The following SNX13 variants were observed in gnomAD, a reference collection of about 807,000 sequenced individuals.
The protein encoded by SNX13 is sorting nexin 13, also known as sorting nexin-13.
Under a neutral mutation model 133.6 loss-of-function variants are expected in SNX13, and 45 were observed. The ratio of observed to expected loss-of-function variants is 0.34; its 90% CI spans 0.27 to 0.43. The LOEUF is 0.43. Ranked by LOEUF, SNX13 falls within the 20% of genes least tolerant of loss-of-function variation. The probability of loss-of-function intolerance (pLI) is 1.00; values close to 1 mark genes in which losing one functional copy is unlikely to be tolerated. For synonymous variants in SNX13, 414 were observed against 373.9 expected, an observed-to-expected ratio of 1.11 and a Z score of -1.24; for missense variants, 1,032 against 1,145.1, an observed-to-expected ratio of 0.90 and a Z score of 1.43.
chr7:17,817,754 T>A (rs1255474586), intron 18 of SNX13, among the ~76,000 whole-genome samples: 5 of 151,848 alleles, frequency 3.3e-5, no homozygotes, highest in Admixed American at 1.3e-4. Flanking sequence ...AAAAAAAAAA[T>A]TTTCGAAGTA....
chr7:17,851,721 G>C (rs971324237), intron 9 of SNX13, among the ~76,000 whole-genome samples: 2 of 151,826 alleles, frequency 1.3e-5, no homozygotes, highest in African/African-American at 2.4e-5. Context: ...TTGCCGGGCG[G>C]GGGGGGCGGG....
intron 21 of SNX13, among the ~76,000 whole-genome samples, chr7:17,803,162 T>C (rs1784822719): frequency 6.6e-6 from 1 of 152,196 alleles, no homozygotes; most frequent in Non-Finnish European, 1.5e-5. Flanking sequence ...ATGTTAACTT[T>C]ACTAATTTTC....
intron 15 of SNX13, chr7:17,832,614 CA>C: frequency 2.7e-6 from 1 of 367,472 alleles, no homozygotes; most frequent in South Asian, 1.1e-4. Context: ...TATAAAAGAA[CA>C]TTTTTCAATA....
chr7:17,857,164 A>T (rs563416497), intron 9 of SNX13, among the ~76,000 whole-genome samples: 84 of 152,272 alleles, frequency 5.5e-4, no homozygotes, highest in African/African-American at 1.7e-3. Context: ...CCTCACACAT[A>T]AAATTACCAG....
At chr7:17,891,728 C>A in intron 3 of SNX13, 93 bp from the exon 4 acceptor site, 1 of 741,900 alleles carries the variant, frequency 1.3e-6, no homozygotes. Context: ...AACATCCCTT[C>A]ATTATCCTCA....
chr7:17,838,082 C>A (rs751537466), intron 13 of SNX13, among the ~76,000 whole-genome samples: 1 of 151,842 alleles, frequency 6.6e-6, no homozygotes, highest in South Asian at 2.1e-4. Context: ...TAGAGAAAAA[C>A]ATTTTTCTTG....
chr7:17,914,094 G>T (rs922032379), intron 1 of SNX13, among the ~76,000 whole-genome samples: 1 of 145,858 alleles, frequency 6.9e-6, no homozygotes, highest in African/African-American at 2.6e-5. Flanking sequence ...AAATACAGTT[G>T]GAAGCCTTAG....
intron 1 of SNX13, among the ~76,000 whole-genome samples, chr7:17,912,310 C>T (rs1313251294): frequency 2.0e-5 from 3 of 152,192 alleles, no homozygotes; most frequent in East Asian, 1.9e-4. Context: ...CCTGTTTCTC[C>T]CAAACACTGA....
chr7:17,939,991 G>A lies in SNX13; in HGVS notation c.12+293C>T, dbSNP rs185165991. On this transcript the variant is annotated intron_variant, in intron 1 of 25. Transcript: ENST00000428135. ...AGAGTAGCGTGTAAGGGGACACGAA[G>A]AAGGGAGCGATGAGTTAGAAGGGAG... is the stretch of plus-strand genomic sequence containing the variant. 5.5e-3 allele frequency among the ~76,000 whole-genome samples: 831 copies of A among 152,320 alleles called. 6 individuals are homozygous for A. Among genetic ancestry groups the A allele is most frequent in the Middle Eastern group, 0.017 (5 of 294 alleles).
chr7:17,938,965 T>A (rs943457385), intron 1 of SNX13, among the ~76,000 whole-genome samples: 5 of 152,096 alleles, frequency 3.3e-5, no homozygotes, highest in Admixed American at 3.3e-4. Flanking sequence ...CTCAATTAAC[T>A]CCAAGAATGA....
chr7:17,880,219 T>C (rs559766285), intron 5 of SNX13: 109 of 152,342 alleles, frequency 7.2e-4, no homozygotes, highest in African/African-American at 2.5e-3. Flanking sequence ...AATAAAGACA[T>C]TTGTGAACAA....
intron 1 of SNX13, among the ~76,000 whole-genome samples, chr7:17,913,683 C>G (rs991095812): frequency 6.7e-6 from 1 of 148,486 alleles, no homozygotes; most frequent in African/African-American, 2.5e-5. Flanking sequence ...AAGCAACATA[C>G]GTCAGTCATA....
intron 24 of SNX13, among the ~76,000 whole-genome samples, chr7:17,797,682 A>G (rs1784206493): frequency 6.6e-6 from 1 of 151,812 alleles, no homozygotes; most frequent in African/African-American, 2.4e-5. Flanking sequence ...GGATCTAGGC[A>G]TTAGTAATTT....
intron 13 of SNX13, among the ~76,000 whole-genome samples, chr7:17,837,464 T>C (rs1789274135): frequency 6.6e-6 from 1 of 151,910 alleles, no homozygotes; most frequent in South Asian, 2.1e-4. Context: ...ACAAAATAAT[T>C]TGGGAATGTA....
chr7:17,852,505 T>C (rs1325150212), intron 9 of SNX13, among the ~76,000 whole-genome samples: 1 of 152,210 alleles, frequency 6.6e-6, no homozygotes, highest in Non-Finnish European at 1.5e-5. Context: ...ATGGGGATTA[T>C]TCTCTTTGAC....
chr7:17,836,823 CT>C (rs1258079983), intron 13 of SNX13, among the ~76,000 whole-genome samples: 1 of 151,904 alleles, frequency 6.6e-6, no homozygotes, highest in African/African-American at 2.4e-5. Flanking sequence ...TACAGAAAGA[CT>C]TTTTAAAAGA....
intron 8 of SNX13, among the ~76,000 whole-genome samples, chr7:17,873,015 T>G (rs1794290219): frequency 6.6e-6 from 1 of 152,248 alleles, no homozygotes; most frequent in Non-Finnish European, 1.5e-5. Context: ...TTAAAGTTTC[T>G]GTCCAAAAAT....
At chr7:17,874,299 CA>C (rs1424915912) in intron 7 of SNX13, among the ~76,000 whole-genome samples, 4 of 152,124 alleles carry the variant, frequency 2.6e-5, no homozygotes, top group Admixed American at 2.6e-4. Flanking sequence ...AAAAAATTCA[CA>C]AAAAGGTATG....
intron 1 of SNX13, among the ~76,000 whole-genome samples, chr7:17,916,902 C>T (rs1799618805): frequency 6.6e-6 from 1 of 152,042 alleles, no homozygotes; most frequent in Admixed American, 6.5e-5. Flanking sequence ...AACACAGATG[C>T]AAAAATCCTC....
Sources: gnomAD v4.1 joint callset for allele counts (sites outside exome capture counted in the v4.1 genomes callset) on GRCh38, gnomAD v4.1.1 for gene constraint, MANE v1.5 for transcripts, NCBI Gene and HGNC (gene_info 2026-07-23, HGNC 2026-07-21) for gene names.